Variants in UTP20 observed in about 807,000 individuals in gnomAD.
UTP20 encodes UTP20 small subunit processome component, also known as small subunit processome component 20 homolog.
UTP20 carries 164 observed loss-of-function variants against 329.5 expected under a neutral mutation model. That is an observed-to-expected ratio of 0.50 (90% CI 0.44 to 0.57). The LOEUF is 0.57. Among genes scored for constraint, UTP20 ranks in the 20% least tolerant of loss-of-function variants. The probability of loss-of-function intolerance (pLI) is 0.00; values close to 1 mark genes in which losing one functional copy is unlikely to be tolerated. For synonymous variants in UTP20, 1,151 were observed against 1,159.3 expected (o/e 0.99, Z 0.14); for missense variants, 3,055 against 3,284.2 (o/e 0.93, Z 1.71).
intron 27 of UTP20, among the ~76,000 whole-genome samples, chr12:101,332,159 G>C (rs1868779940): frequency 6.6e-6 from 1 of 152,064 alleles, no homozygotes. Flanking sequence ...CCAACATGGA[G>C]AAACCCCGTC....
Position 101,329,398 on chromosome 12 carries a change from A to G in UTP20, c.3366A>G (p.Ile1122Met). The G allele has an allele frequency of 1.9e-6, 3 of 1,614,174 alleles. No homozygotes were observed. Among genetic ancestry groups the G allele is most frequent in the Non-Finnish European group, 8.5e-7 (1 of 1,180,014 alleles). Residue 1122 changes from isoleucine (I) to methionine (M), a missense_variant, in exon 27 of 62, where the codon ATA becomes ATG. This residue lies in a region of UTP20 where 2,445 missense variants were observed against 2,575.5 expected (regional missense o/e 0.95). Coordinates refer to ENST00000261637, the MANE Select transcript of UTP20 (RefSeq NM_014503.3). ...CATACCTGCCGAAGATTTTGCAGAT[A>G]CTGCTCTGTATGACAGCAACCGTAT... ...ISAYLPKILQ[I>M]LLCMTATVSH...
intron 2 of UTP20, among the ~76,000 whole-genome samples, chr12:101,284,442 T>C (rs1252307657): frequency 6.6e-6 from 1 of 152,202 alleles, no homozygotes; most frequent in Non-Finnish European, 1.5e-5. Flanking sequence ...TTAAGGCATA[T>C]AATATTCCAT....
At chr12:101,296,984 T>A (rs1273588477) in intron 12 of UTP20, among the ~76,000 whole-genome samples, 1 of 152,098 alleles carries the variant, frequency 6.6e-6, no homozygotes, top group Non-Finnish European at 1.5e-5. Context: ...ATTCCTTTGT[T>A]TTTATACTTA....
At position 101,289,042 on chromosome 12, in the gene UTP20, G is replaced by T. The variant is rs1365461245; in HGVS notation, c.597+1G>T. On this transcript the variant is annotated splice_donor_variant, in intron 6 of 61. Coordinates refer to ENST00000261637, the MANE Select transcript of UTP20 (RefSeq NM_014503.3). LOFTEE classifies it high-confidence loss of function. Reference sequence around the variant, plus strand: ...AAGTTTTACTTTTTTGATGAGAAAGGTTAGTCTGGTATTTTATCTGTTTGT... The same window carrying T: ...AAGTTTTACTTTTTTGATGAGAAAGTTTAGTCTGGTATTTTATCTGTTTGT... 1 of 1,607,634 alleles carries T rather than the reference G, an allele frequency of 6.2e-7. No homozygotes were observed. The highest frequency in any genetic ancestry group is 8.5e-7 in the Non-Finnish European group (1 of 1,174,626).
intron 15 of UTP20, among the ~76,000 whole-genome samples, chr12:101,303,883 C>T (rs778653584): frequency 6.6e-6 from 1 of 152,222 alleles, no homozygotes; most frequent in African/African-American, 2.4e-5. Flanking sequence ...TTTAAATTAA[C>T]TTCCTGTAGA....
At position 101,295,649 on chromosome 12, in the gene UTP20, A is replaced by C; in HGVS notation, c.1421A>C (p.Gln474Pro). ...AAGTACCCTCTGGTTTTCTCACCGC[A>C]GATGGTGGGGTGAGTTCTAACTTTT... The part of the protein sequence containing the change: ...IEKYPLVFSP[Q>P]MVGFYIKQKK... Residue 474 changes from glutamine to proline, a missense_variant, in exon 12 of 62, where the codon CAG (glutamine) becomes CCG (proline). Gln to Pro is a moderately conservative substitution (Grantham distance 76). Coordinates refer to ENST00000261637, the MANE Select transcript of UTP20 (RefSeq NM_014503.3). The C allele has an allele frequency of 6.2e-7, 1 of 1,602,708 alleles. No homozygotes were observed. Among genetic ancestry groups the C allele is most frequent in the Non-Finnish European group, 8.5e-7 (1 of 1,172,538 alleles).
chr12:101,283,611 G>T (rs1287719364), intron 2 of UTP20, among the ~76,000 whole-genome samples: 2 of 152,106 alleles, frequency 1.3e-5, no homozygotes, highest in Non-Finnish European at 2.9e-5. Context: ...CTAGAAATGC[G>T]TTCTGCATTT....
Position 101,290,864 on chromosome 12 carries a change from TG to T in UTP20, c.869del (p.Gly290ValfsTer18). On this transcript the variant is annotated frameshift_variant, in exon 8 of 62. Coordinates refer to ENST00000261637, the MANE Select transcript of UTP20 (RefSeq NM_014503.3). LOFTEE classifies it high-confidence loss of function. ...TATCCTACATCTCCAAGGAACATTT[TG>T]GTACATTTTTTGAATGTTTGCAAGT... ...TVSYISKEHF[G>X]TFFECLQESL... 1 of 1,612,872 alleles carries T rather than the reference TG, an allele frequency of 6.2e-7. No homozygotes were observed. Among genetic ancestry groups the T allele is most frequent in the East Asian group, 2.2e-5 (1 of 44,854 alleles).
chr12:101,321,009 C>T, intron 24 of UTP20, 72 bp downstream of exon 24: 1 of 1,355,754 alleles, frequency 7.4e-7, no homozygotes, highest in Non-Finnish European at 1.0e-6. Context: ...AGAGCCTCTT[C>T]TAGAATAATT....
chr12:101,312,294 A>G lies in UTP20; in HGVS notation c.2552+18A>G. On this transcript the variant is annotated intron_variant, in intron 21 of 61. Transcript: ENST00000261637. ...TTTATCAAGTAAGTTTCCTCTTCTA[A>G]GAATATGTCCCTGGTGGGGCATGAA... is the stretch of plus-strand genomic sequence containing the variant. 1.2e-6 allele frequency: 2 copies of G among 1,612,712 alleles called. No individual in the cohort carries two copies. The highest frequency in any genetic ancestry group is 1.7e-6 in the Non-Finnish European group (2 of 1,179,550).
chr12:101,293,766 T>A (rs1233818019), intron 11 of UTP20, among the ~76,000 whole-genome samples: 1 of 152,220 alleles, frequency 6.6e-6, no homozygotes, highest in Non-Finnish European at 1.5e-5. Flanking sequence ...CTCATTTGCC[T>A]AAAAAGAACA....
rs1383695558 is a variant in UTP20 at position 101,363,627 on chromosome 12, C to T, written c.5842C>T (p.Gln1948Ter). The change falls in exon 45 of 62, where the codon CAG (glutamine) becomes TAG (stop). Residue 1948 changes from glutamine (Q) to a stop codon, truncating the protein, a stop_gained. Transcript: ENST00000261637. LOFTEE classifies it high-confidence loss of function. Reference protein sequence around the residue: ...GAVAEEKEVKQILSKVMEARR... With the variant: ...GAVAEEKEVK ...TGTTGCTGAAGAGAAGGAAGTAAAG[C>T]AGATCCTCTCCAAAGTCATGGAAGC... The T allele has an allele frequency of 6.2e-7, 1 of 1,613,946 alleles. No homozygotes were observed. The highest frequency in any genetic ancestry group is 1.3e-5 in the African/African-American group (1 of 74,912).
rs1017721129 is a variant in UTP20, at chr12:101,376,590, AT to A, written c.7396+843del. The stretch of plus-strand genomic sequence containing the variant: ...AGGGTACAGTAAAAATACAGTGTGT[AT>A]TTTTTTTTAATGAGTAGTGCCAAAC... On this transcript the variant is annotated intron_variant, in intron 56 of 61. Coordinates refer to ENST00000261637, the MANE Select transcript of UTP20 (RefSeq NM_014503.3). Among the ~76,000 whole-genome samples the A allele has an allele frequency of 1.0e-3, 157 of 150,328 alleles. 1 individual carries two copies. The highest frequency in any genetic ancestry group is 3.7e-3 in the African/African-American group (152 of 41,146).
chr12:101,361,891 C>T, intron 43 of UTP20, 71 bp from the exon 44 acceptor site: 4 of 1,210,368 alleles, frequency 3.3e-6, no homozygotes, highest in Non-Finnish European at 4.9e-6. Flanking sequence ...CTTTGCAGTG[C>T]TTCCTAGATC....
At chr12:101,296,456 A>G (rs1872353139) in intron 12 of UTP20, among the ~76,000 whole-genome samples, 2 of 151,934 alleles carry the variant, frequency 1.3e-5, no homozygotes, top group Admixed American at 1.3e-4. Flanking sequence ...CTGTAGTCCT[A>G]GTTACTCGGG....
chr12:101,338,140 T>C lies in UTP20; in HGVS notation c.3731T>C (p.Leu1244Pro), dbSNP rs757282358. ...TTTGCAATTCTCTCAGCGAAGAATC[T>C]TTCTGATGCCACAGCCAGTATTGTA... ...NVFAILSAKN[L>P]SDATASIVMD... Residue 1244 changes from leucine to proline, a missense_variant, in exon 30 of 62, where the codon CTT becomes CCT. By Grantham distance (98) the Leu-to-Pro change is moderately conservative. Transcript: ENST00000261637. The C allele has an allele frequency of 1.2e-6, 2 of 1,614,202 alleles. No homozygotes were observed. The highest frequency in any genetic ancestry group is 2.2e-5 in the South Asian group (2 of 91,086).
At position 101,356,686 on chromosome 12, in the gene UTP20, C is replaced by T; in HGVS notation, c.5527C>T (p.Leu1843=). ...SLPQEVMEAN[L]PSILLKVCAL... ...TCCACAAGAAGTTATGGAAGCTAAT[C>T]TGCCAAGGTATGTTTTTTAACAAAT... is the stretch of plus-strand genomic sequence containing the variant. The change falls in exon 42 of 62, where the codon CTG becomes TTG. Residue 1843 remains leucine, a synonymous_variant. Coordinates refer to ENST00000261637, the MANE Select transcript of UTP20 (RefSeq NM_014503.3). 6.2e-7 allele frequency: 1 copy of T among 1,608,480 alleles called. No homozygotes were observed. Among genetic ancestry groups the T allele is most frequent in the Non-Finnish European group, 8.5e-7 (1 of 1,178,782 alleles).
chr12:101,284,629 A>ACGTACATGTATACATACATGT (rs1475722086), intron 2 of UTP20, among the ~76,000 whole-genome samples: 2 of 152,118 alleles, frequency 1.3e-5, no homozygotes, highest in Non-Finnish European at 2.9e-5. Flanking sequence ...ATACACACAT[A>ACGTACATGTATACATACATGT]CGTACATGTA....
At chr12:101,378,717 C>T (rs1328016645) in intron 56 of UTP20, among the ~76,000 whole-genome samples, 3 of 149,750 alleles carry the variant, frequency 2.0e-5, no homozygotes, top group Non-Finnish European at 4.4e-5. Flanking sequence ...GAAACCCTGT[C>T]GCAAAAAAAA....
Sources: gnomAD v4.1 joint callset for allele counts (sites outside exome capture counted in the v4.1 genomes callset) on GRCh38, gnomAD v4.1.1 for gene constraint, gnomAD v4.1.1 regional missense constraint, MANE v1.5 for transcripts, NCBI Gene and HGNC (gene_info 2026-07-23, HGNC 2026-07-21) for gene names.